The following GNG12 variants were observed in gnomAD, a reference collection of about 807,000 sequenced individuals.
The protein encoded by GNG12 is G protein subunit gamma 12, also known as guanine nucleotide-binding protein G(I)/G(S)/G(O) subunit gamma-12.
For synonymous variants in GNG12, 28 were observed against 29.7 expected (o/e 0.94, Z 0.19); for missense variants, 69 against 83.8 (o/e 0.82, Z 0.69).
Position 67,755,109 on chromosome 1 carries a change from CGTT to C in GNG12, c.-27+22346_-27+22348del, listed in dbSNP as rs1217557285. ...ACAGTTCTTTATCTGTCCGCCTTGGCGTTGTTACAAGAGGATGGGATGCCTTTG... is the reference window on the plus strand; with the variant it reads ...ACAGTTCTTTATCTGTCCGCCTTGGCGTTACAAGAGGATGGGATGCCTTTG... On this transcript the variant is annotated intron_variant, in intron 2 of 3. Coordinates refer to ENST00000370982, the MANE Select transcript of GNG12 (RefSeq NM_018841.6). Among the ~76,000 whole-genome samples, 47 of 152,342 alleles carry C rather than the reference CGTT, an allele frequency of 3.1e-4. 1 individual carries two copies. The highest frequency in any genetic ancestry group is 3.4e-3 in the Middle Eastern group (1 of 294).
At chr1:67,748,346 CA>C (rs905161585) in intron 2 of GNG12, among the ~76,000 whole-genome samples, 50 of 152,204 alleles carry the variant, frequency 3.3e-4, no homozygotes, top group African/African-American at 1.1e-3. Context: ...CAATCAGATA[CA>C]AAAATCAGAG....
Position 67,705,416 on chromosome 1 carries a change from G to T in GNG12, c.*35C>A, listed in dbSNP as rs1401028609. ...CAAGGAGCTGCTCATAATTTGCGTT[G>T]TTGGGAAGAGGCGAGGAGCTGTTTC... On this transcript the variant is annotated 3_prime_UTR_variant, in exon 4 of 4. Coordinates refer to ENST00000370982, the MANE Select transcript of GNG12 (RefSeq NM_018841.6). 6.2e-7 allele frequency: 1 copy of T among 1,608,372 alleles called. No homozygotes were observed. Among genetic ancestry groups the T allele is most frequent in the Non-Finnish European group, 8.5e-7 (1 of 1,177,794 alleles).
chr1:67,800,148 CAG>C (rs1306672730), intron 1 of GNG12, among the ~76,000 whole-genome samples: 1 of 152,178 alleles, frequency 6.6e-6, no homozygotes. Flanking sequence ...TTAACCCATG[CAG>C]AGTTTTTAAC....
In GNG12 at chr1:67,764,691, G is replaced by A. The variant is rs937953591; in HGVS notation, c.-27+12767C>T. On this transcript the variant is annotated intron_variant, in intron 2 of 3. Transcript: ENST00000370982. ...GGTACTAACAGCTGTGTGTATATGC[G>A]TGTGTGTATATGTGTGTGTGTTCTC... 3.9e-4 allele frequency among the ~76,000 whole-genome samples: 59 copies of A among 152,156 alleles called. 1 individual carries two copies. The highest frequency in any genetic ancestry group is 1.0e-4 in the Non-Finnish European group (7 of 68,012).
At chr1:67,758,229 T>C (rs1646581363) in intron 2 of GNG12, among the ~76,000 whole-genome samples, 2 of 152,200 alleles carry the variant, frequency 1.3e-5, no homozygotes, top group African/African-American at 4.8e-5. Flanking sequence ...CTGCCTAGGC[T>C]TCCCAAAGTA....
At chr1:67,774,328 T>C (rs1646692347) in intron 2 of GNG12, among the ~76,000 whole-genome samples, 1 of 152,168 alleles carries the variant, frequency 6.6e-6, no homozygotes, top group African/African-American at 2.4e-5. Context: ...TCCCCACAGA[T>C]TTCCTCCCTT....
chr1:67,758,970 C>T (rs648825), intron 2 of GNG12, among the ~76,000 whole-genome samples: 14,525 of 151,976 alleles, frequency 0.096, 937 homozygotes, highest in African/African-American at 0.17. Context: ...TCTGACAGTA[C>T]AGTAGAAAAA....
At chr1:67,789,399 T>C (rs1395600294) in intron 1 of GNG12, among the ~76,000 whole-genome samples, 1 of 152,200 alleles carries the variant, frequency 6.6e-6, no homozygotes, top group African/African-American at 2.4e-5. Flanking sequence ...TGGAACTATA[T>C]TAAAAACACT....
chr1:67,714,697 G>A (rs1449039317), intron 2 of GNG12, among the ~76,000 whole-genome samples: 1 of 152,116 alleles, frequency 6.6e-6, no homozygotes, highest in Non-Finnish European at 1.5e-5. Flanking sequence ...TCTTCCAGTG[G>A]GATGGGCTGA....
At chr1:67,829,197 T>C (rs1570581821) in intron 1 of GNG12, among the ~76,000 whole-genome samples, 1 of 152,242 alleles carries the variant, frequency 6.6e-6, no homozygotes, top group Non-Finnish European at 1.5e-5. Context: ...AAAATAATTT[T>C]TAAGCTAGCT....
At chr1:67,824,096 T>C (rs1357196408) in intron 1 of GNG12, among the ~76,000 whole-genome samples, 1 of 152,190 alleles carries the variant, frequency 6.6e-6, no homozygotes. Context: ...CATATATTCT[T>C]ATTTGCTTGT....
chr1:67,823,934 C>T (rs1646997270), intron 1 of GNG12, among the ~76,000 whole-genome samples: 2 of 152,146 alleles, frequency 1.3e-5, no homozygotes, highest in South Asian at 4.1e-4. Flanking sequence ...CATGGTACAT[C>T]CACATGATGG....
At chr1:67,730,467 T>C (rs907177581) in intron 2 of GNG12, among the ~76,000 whole-genome samples, 2 of 152,118 alleles carry the variant, frequency 1.3e-5, no homozygotes, top group Non-Finnish European at 2.9e-5. Flanking sequence ...ATCATGCCAT[T>C]GCACTCCAGC....
At chr1:67,716,789 T>C (rs1385214809) in intron 2 of GNG12, among the ~76,000 whole-genome samples, 2 of 152,170 alleles carry the variant, frequency 1.3e-5, no homozygotes, top group Non-Finnish European at 2.9e-5. Context: ...GCAGGAAGCG[T>C]GAAGGCAAGT....
chr1:67,791,671 G>T (rs1274828446), intron 1 of GNG12, among the ~76,000 whole-genome samples: 1 of 152,048 alleles, frequency 6.6e-6, no homozygotes, highest in African/African-American at 2.4e-5. Context: ...ATCCAATCAT[G>T]CGTTGGCATC....
intron 1 of GNG12, among the ~76,000 whole-genome samples, chr1:67,787,906 GA>G (rs1197568637): frequency 5.9e-5 from 9 of 152,152 alleles, no homozygotes; most frequent in Non-Finnish European, 1.2e-4. Context: ...TTTTTGTACT[GA>G]AAGTCTCATG....
At chr1:67,817,783 C>G (rs988996225) in intron 1 of GNG12, among the ~76,000 whole-genome samples, 1 of 109,024 alleles carries the variant, frequency 9.2e-6, no homozygotes, top group Non-Finnish European at 1.9e-5. Context: ...TTGTTTCTTT[C>G]TTTCTTTTTT....
intron 1 of GNG12, among the ~76,000 whole-genome samples, chr1:67,804,945 G>C (rs1287258506): frequency 6.6e-6 from 1 of 152,128 alleles, no homozygotes; most frequent in East Asian, 1.9e-4. Context: ...GGTGAAAAAA[G>C]CATTCTGAAA....
At chr1:67,810,738 C>T (rs1459731880) in intron 1 of GNG12, among the ~76,000 whole-genome samples, 2 of 152,144 alleles carry the variant, frequency 1.3e-5, no homozygotes, top group African/African-American at 4.8e-5. Flanking sequence ...AGGTGAGTGG[C>T]ATTTTGGATA....
Sources: gnomAD v4.1 joint callset for allele counts (sites outside exome capture counted in the v4.1 genomes callset) on GRCh38, gnomAD v4.1.1 for gene constraint, MANE v1.5 for transcripts, NCBI Gene and HGNC (gene_info 2026-07-23, HGNC 2026-07-21) for gene names.